The following CNNM4 variants were observed in gnomAD, a reference collection of about 807,000 sequenced individuals.
CNNM4 encodes metal transporter CNNM4.
CNNM4 carries 32 observed loss-of-function variants against 53.7 expected under a neutral mutation model. The observed-to-expected ratio is 0.60, with a 90% CI of 0.45 to 0.80. CNNM4 has a LOEUF of 0.80. Ranked by LOEUF, CNNM4 falls within the 30% of genes least tolerant of loss-of-function variation. The pLI is 0.00. For missense variants in CNNM4, 784 were observed against 1,022.0 expected, an observed-to-expected ratio of 0.77 and a Z score of 3.17; for synonymous variants, 410 against 440.0, an observed-to-expected ratio of 0.93 and a Z score of 0.85.
At chr2:96,807,407 GCAGT>G (rs1158198458) in intron 5 of CNNM4, among the ~76,000 whole-genome samples, 1 of 151,944 alleles carries the variant, frequency 6.6e-6, no homozygotes, top group Non-Finnish European at 1.5e-5. Context: ...CGGATCACCA[GCAGT>G]CATAAGATCG....
At chr2:96,793,197 G>A (rs1442977132) in intron 1 of CNNM4, among the ~76,000 whole-genome samples, 1 of 152,138 alleles carries the variant, frequency 6.6e-6, no homozygotes. Context: ...GGGAGTCACC[G>A]TTGGTCAGCA....
At chr2:96,780,186 A>G (rs1276118582) in intron 1 of CNNM4, among the ~76,000 whole-genome samples, 1 of 152,098 alleles carries the variant, frequency 6.6e-6, no homozygotes, top group African/African-American at 2.4e-5. Flanking sequence ...TTTCAAAAAT[A>G]TTTTTGTGTG....
intron 1 of CNNM4, among the ~76,000 whole-genome samples, chr2:96,793,144 T>C (rs766995414): frequency 6.6e-6 from 1 of 151,924 alleles, no homozygotes; most frequent in Non-Finnish European, 1.5e-5. Flanking sequence ...GGGAGGGCTG[T>C]GCCCTGGAAG....
intron 1 of CNNM4, among the ~76,000 whole-genome samples, chr2:96,769,076 C>A (rs948933550): frequency 6.6e-6 from 1 of 151,938 alleles, no homozygotes; most frequent in African/African-American, 2.4e-5. Context: ...ACGGTAAAAC[C>A]CTGTCTCTAC....
At chr2:96,803,462 T>C (rs1414551142) in intron 5 of CNNM4, among the ~76,000 whole-genome samples, 1 of 152,166 alleles carries the variant, frequency 6.6e-6, no homozygotes, top group Non-Finnish European at 1.5e-5. Context: ...CGGTGGCTCA[T>C]GCCTGTAATC....
At chr2:96,786,149 G>A (rs554384976) in intron 1 of CNNM4, among the ~76,000 whole-genome samples, 5 of 152,172 alleles carry the variant, frequency 3.3e-5, no homozygotes, top group Non-Finnish European at 7.4e-5. Flanking sequence ...TGGCGCGGCA[G>A]CTCACGTCTG....
At chr2:96,803,807 GA>G (rs2079178883) in intron 5 of CNNM4, among the ~76,000 whole-genome samples, 1 of 151,986 alleles carries the variant, frequency 6.6e-6, no homozygotes, top group Non-Finnish European at 1.5e-5. Context: ...TGGGAAAATA[GA>G]AAAAAGTCTT....
At chr2:96,786,773 T>C (rs1267453553) in intron 1 of CNNM4, among the ~76,000 whole-genome samples, 1 of 120,768 alleles carries the variant, frequency 8.3e-6, no homozygotes, top group East Asian at 2.5e-4. Flanking sequence ...AGCAAGACTC[T>C]GTCTCAAAAA....
intron 1 of CNNM4, among the ~76,000 whole-genome samples, chr2:96,785,964 A>G (rs1337024122): frequency 2.6e-5 from 4 of 151,344 alleles, no homozygotes; most frequent in African/African-American, 4.9e-5. Flanking sequence ...GCGGGCGCCT[A>G]TAGTCTCAGC....
At chr2:96,776,733 C>T (rs1356746768) in intron 1 of CNNM4, among the ~76,000 whole-genome samples, 1 of 152,080 alleles carries the variant, frequency 6.6e-6, no homozygotes, top group East Asian at 1.9e-4. Context: ...CTGCCTTAGC[C>T]TCCTGAGTAG....
intron 1 of CNNM4, among the ~76,000 whole-genome samples, chr2:96,794,726 A>G (rs1360139443): frequency 6.6e-6 from 1 of 152,144 alleles, no homozygotes; most frequent in Non-Finnish European, 1.5e-5. Context: ...TCTAAGTCCA[A>G]GGTTAGGAAC....
At position 96,767,249 on chromosome 2, in the gene CNNM4, G is replaced by A. The variant is rs1029660484; in HGVS notation, c.1402+4848G>A. ...TGGAACCCCATGCTGCGTGCAAGAC[G>A]TGATGCTAGGTGATGCAGGACCACA... On this transcript the variant is annotated intron_variant, in intron 1 of 6. Transcript: ENST00000377075. 4.6e-5 allele frequency among the ~76,000 whole-genome samples: 7 copies of A among 152,164 alleles called. No individual in the cohort carries two copies. In the South Asian group the frequency reaches 8.3e-4, roughly 18 times the overall value.
intron 1 of CNNM4, among the ~76,000 whole-genome samples, chr2:96,790,308 G>T (rs541166914): frequency 6.7e-6 from 1 of 148,254 alleles, no homozygotes; most frequent in African/African-American, 2.5e-5. Flanking sequence ...ACCCGGCCTA[G>T]AATTTTTTTT....
intron 1 of CNNM4, 60 bp downstream of exon 1, chr2:96,762,461 G>T (rs957001706): frequency 1.0e-5 from 15 of 1,481,444 alleles, no homozygotes; most frequent in Non-Finnish European, 1.3e-5. Flanking sequence ...TTCCCCTGGC[G>T]TGTTTTGTGT....
intron 1 of CNNM4, among the ~76,000 whole-genome samples, chr2:96,791,867 A>C (rs956262945): frequency 9.2e-5 from 14 of 152,030 alleles, no homozygotes; most frequent in African/African-American, 2.9e-4. Context: ...AATTTTTCAT[A>C]ATCAATAGTA....
At chr2:96,809,075 C>T (rs2079233204) in intron 6 of CNNM4, among the ~76,000 whole-genome samples, 1 of 151,598 alleles carries the variant, frequency 6.6e-6, no homozygotes, top group South Asian at 2.1e-4. Flanking sequence ...CTCCTGGGCT[C>T]AAGCGATTTG....
In CNNM4 at chr2:96,761,096, C is replaced by T; in HGVS notation, c.97C>T (p.Leu33=). 6.5e-7 allele frequency: 1 copy of T among 1,530,930 alleles called. No homozygotes were observed. The highest frequency in any genetic ancestry group is 1.4e-5 in the African/African-American group (1 of 72,872). 94.8% of individuals were successfully genotyped at this position (1,530,930 alleles called of 1,614,324 possible). The change falls in exon 1 of 7, where the codon CTG becomes TTG. Residue 33 remains leucine (L), a synonymous_variant. Coordinates refer to ENST00000377075, the MANE Select transcript of CNNM4 (RefSeq NM_020184.4). This position sits in a 1 kb window ranked among gnomAD's most constrained non-coding sequence, Gnocchi z 6.0. Reference sequence around the variant, plus strand: ...GGTGCTGCTGGTGCTGCTGTGGGCGCTGGGGGCCCGGGGCCAGGGCAGCCC... The same window carrying T: ...GGTGCTGCTGGTGCTGCTGTGGGCGTTGGGGGCCCGGGGCCAGGGCAGCCC... ...APVLLVLLWA[L]GARGQGSPQQ...
At chr2:96,775,906 A>G (rs6730773) in intron 1 of CNNM4, among the ~76,000 whole-genome samples, 68,908 of 151,220 alleles carry the variant, frequency 0.46, 16,999 homozygotes, top group African/African-American at 0.65. Context: ...TTAAATTTGT[A>G]TAGAGAATGT....
chr2:96,785,075 A>G (rs913753689), intron 1 of CNNM4, among the ~76,000 whole-genome samples: 35 of 151,948 alleles, frequency 2.3e-4, no homozygotes, highest in Admixed American at 1.3e-4. Flanking sequence ...ATAGGATTTC[A>G]TCATGTTGGC....
Sources: allele counts gnomAD v4.1 joint callset (sites outside exome capture counted in the v4.1 genomes callset), GRCh38; gene constraint gnomAD v4.1.1; non-coding constraint Gnocchi (gnomAD v3.1); transcripts MANE v1.5; gene names NCBI Gene and HGNC (gene_info 2026-07-23, HGNC 2026-07-21).